The following ATXN1 variants were observed in gnomAD, a reference collection of about 807,000 sequenced individuals.
ATXN1 encodes ataxin 1.
Under a neutral mutation model 56.4 loss-of-function variants are expected in ATXN1, and 8 were observed. That is an observed-to-expected ratio of 0.14 (90% CI 0.08 to 0.26). The LOEUF is 0.26. Ranked by LOEUF, ATXN1 falls within the 10% of genes least tolerant of loss-of-function variation. ATXN1 has a pLI of 1.00. For synonymous variants in ATXN1, 514 were observed against 494.6 expected (o/e 1.04, Z -0.52); for missense variants, 987 against 1,106.5 (o/e 0.89, Z 1.53).
chr6:16,690,077 A>T (rs753344703), intron 2 of ATXN1, among the ~76,000 whole-genome samples: 8 of 151,976 alleles, frequency 5.3e-5, no homozygotes, highest in Non-Finnish European at 8.8e-5. Flanking sequence ...GGTTTTTTTT[A>T]ATTTTAATTT....
chr6:16,357,238 TTTTATTTTATTTTATTTTA>T (rs1189119996), intron 6 of ATXN1, among the ~76,000 whole-genome samples: 5 of 8,778 alleles, frequency 5.7e-4, no homozygotes, highest in African/African-American at 3.3e-3. Flanking sequence ...TTATTTTTTA[TTTTATTTTATTTTATTTTA>T]TTTATTTTAT....
intron 2 of ATXN1, among the ~76,000 whole-genome samples, chr6:16,711,133 T>C (rs1046788434): frequency 2.6e-5 from 4 of 152,188 alleles, no homozygotes; most frequent in African/African-American, 9.6e-5. Flanking sequence ...AAAACACATA[T>C]AAAACCAAAT....
intron 6 of ATXN1, among the ~76,000 whole-genome samples, chr6:16,402,501 A>G (rs1758598747): frequency 6.6e-6 from 1 of 152,046 alleles, no homozygotes; most frequent in African/African-American, 2.4e-5. Flanking sequence ...CACGAACACA[A>G]CCCACAAGCC....
chr6:16,677,658 T>C (rs985185367), intron 2 of ATXN1, among the ~76,000 whole-genome samples: 11 of 152,234 alleles, frequency 7.2e-5, no homozygotes, highest in Admixed American at 1.3e-4. Flanking sequence ...TGCTGAAGGT[T>C]AGTCTTCATG....
intron 2 of ATXN1, among the ~76,000 whole-genome samples, chr6:16,662,211 C>T (rs1758333678): frequency 6.6e-6 from 1 of 152,344 alleles, no homozygotes; most frequent in East Asian, 1.9e-4. Flanking sequence ...CATCACACTA[C>T]CCCTTTAAGA....
chr6:16,473,160 C>T (rs771933552), intron 6 of ATXN1, among the ~76,000 whole-genome samples: 1 of 152,134 alleles, frequency 6.6e-6, no homozygotes, highest in Admixed American at 6.5e-5. Context: ...TTATTATCTG[C>T]ATCGCACACA....
chr6:16,407,708 T>C (rs1758713451), intron 6 of ATXN1, among the ~76,000 whole-genome samples: 1 of 152,220 alleles, frequency 6.6e-6, no homozygotes, highest in South Asian at 2.1e-4. Flanking sequence ...TTAGACTATG[T>C]AGCTAGAAGC....
chr6:16,421,348 A>AT (rs1245141237), intron 6 of ATXN1, among the ~76,000 whole-genome samples: 2 of 152,036 alleles, frequency 1.3e-5, no homozygotes, highest in Admixed American at 6.6e-5. Context: ...ACAGGAAAAA[A>AT]AAAAGAATGA....
At chr6:16,647,382 TAAGTGG>T (rs1359540391) in intron 3 of ATXN1, among the ~76,000 whole-genome samples, 2 of 152,200 alleles carry the variant, frequency 1.3e-5, no homozygotes, top group Non-Finnish European at 2.9e-5. Context: ...ACACAGCCAT[TAAGTGG>T]AAGTTCGGTA....
chr6:16,685,910 TA>T (rs1217576455), intron 2 of ATXN1, among the ~76,000 whole-genome samples: 1 of 152,200 alleles, frequency 6.6e-6, no homozygotes, highest in East Asian at 1.9e-4. Context: ...TCTCTGTTCT[TA>T]AAAATGGAAT....
chr6:16,619,820 A>T (rs1763285307), intron 3 of ATXN1, among the ~76,000 whole-genome samples: 1 of 151,574 alleles, frequency 6.6e-6, no homozygotes, highest in Admixed American at 6.6e-5. Flanking sequence ...AGGGGCAAGG[A>T]TCGCTTGAGC....
chr6:16,730,876 G>C (rs1294477074), intron 2 of ATXN1, among the ~76,000 whole-genome samples: 1 of 152,176 alleles, frequency 6.6e-6, no homozygotes, highest in African/African-American at 2.4e-5. Flanking sequence ...TCCTCTTGCT[G>C]AGTGTTCTGG....
intron 6 of ATXN1, among the ~76,000 whole-genome samples, chr6:16,417,441 A>ATTTTTTT (rs1188606545): frequency 5.1e-5 from 7 of 136,540 alleles, no homozygotes; most frequent in South Asian, 2.7e-4. Flanking sequence ...CAAGTTTCTT[A>ATTTTTTT]TTTTTTTTTT....
intron 6 of ATXN1, among the ~76,000 whole-genome samples, chr6:16,382,194 A>G (rs1042142819): frequency 4.6e-5 from 7 of 152,022 alleles, no homozygotes; most frequent in African/African-American, 1.7e-4. Flanking sequence ...AAGCTTAAAA[A>G]AATAGCCAGG....
At position 16,299,235 on chromosome 6, in the gene ATXN1, TAATGA is replaced by T. The variant is rs1481517167; in HGVS notation, c.*7089_*7093del. The T allele has an allele frequency of 6.6e-6, 1 of 152,650 alleles. No homozygotes were observed. The highest frequency in any genetic ancestry group is 1.5e-5 in the Non-Finnish European group (1 of 68,044). 9.5% of individuals were successfully genotyped at this position (152,650 alleles called of 1,614,324 possible). A position where few individuals can be genotyped will look rare whatever the true frequency, so the allele number is the denominator to read the frequency against. On this transcript the variant is annotated 3_prime_UTR_variant, in exon 8 of 8. Transcript: ENST00000436367. ...TGAATCAAACATTGTTTTATTATAA[TAATGA>T]AATAATTTCTACCTAGAAAACCTGC...
intron 2 of ATXN1, among the ~76,000 whole-genome samples, chr6:16,673,020 C>CAAAAA (rs559212594): frequency 3.5e-4 from 37 of 105,514 alleles, no homozygotes; most frequent in African/African-American, 4.4e-4. Context: ...TCCCCCCCGC[C>CAAAAA]AAAAAAAAAA....
chr6:16,746,026 T>G (rs1413209285), intron 2 of ATXN1, among the ~76,000 whole-genome samples: 9 of 151,252 alleles, frequency 6.0e-5, no homozygotes. Flanking sequence ...AGAGAGTGAG[T>G]GCACATTTAA....
chr6:16,653,540 G>A (rs949284721), intron 3 of ATXN1, among the ~76,000 whole-genome samples: 3 of 152,304 alleles, frequency 2.0e-5, no homozygotes, highest in Admixed American at 6.5e-5. Context: ...AGCACAGTCC[G>A]GTTCCTATCC....
intron 4 of ATXN1, among the ~76,000 whole-genome samples, chr6:16,575,170 T>C (rs1189273839): frequency 6.6e-6 from 1 of 152,202 alleles, no homozygotes; most frequent in Non-Finnish European, 1.5e-5. Flanking sequence ...ATTTTTCTCC[T>C]TGTAATTACT....
Sources: allele counts gnomAD v4.1 joint callset (sites outside exome capture counted in the v4.1 genomes callset), GRCh38; gene constraint gnomAD v4.1.1; transcripts MANE v1.5; gene names NCBI Gene and HGNC (gene_info 2026-07-23, HGNC 2026-07-21).